The following IFT43 variants were observed in gnomAD, a reference collection of about 807,000 sequenced individuals.
IFT43 encodes intraflagellar transport protein 43 homolog.
IFT43 carries 33 observed loss-of-function variants against 32.3 expected under a neutral mutation model. The observed-to-expected ratio is 1.02, with a 90% confidence interval of 0.77 to 1.37. The LOEUF is 1.37. Among genes scored for constraint, IFT43 ranks in the 40% most tolerant of loss-of-function variants. The probability of loss-of-function intolerance (pLI) is 0.00; values close to 1 mark genes in which losing one functional copy is unlikely to be tolerated. For synonymous variants in IFT43, 93 were observed against 98.2 expected, an observed-to-expected ratio of 0.95 and a Z score of 0.31; for missense variants, 274 against 265.9, an observed-to-expected ratio of 1.03 and a Z score of -0.21.
rs527386440 is a variant in IFT43, at chr14:76,065,835, G to A, written c.295+6462G>A. Among the ~76,000 whole-genome samples, 3 of 152,208 alleles carry A rather than the reference G, an allele frequency of 2.0e-5. No individual in the cohort carries two copies. The South Asian group carries it at 6.2e-4, about 32-fold the overall frequency. ...GATGGGATCTATGTTGCCCAGGCTG[G>A]CCTCAAACTCCTGGGCTCAACCAGT... is the stretch of plus-strand genomic sequence containing the variant. On this transcript the variant is annotated intron_variant, in intron 5 of 8. Coordinates refer to ENST00000314067, the MANE Select transcript of IFT43 (RefSeq NM_001102564.3).
chr14:76,025,296 G>C (rs946689264), intron 3 of IFT43, among the ~76,000 whole-genome samples: 2 of 151,968 alleles, frequency 1.3e-5, no homozygotes, highest in African/African-American at 4.8e-5. Flanking sequence ...AACAAATGGA[G>C]GAATAGTCCA....
In IFT43 at chr14:76,083,286, G is replaced by A; in HGVS notation, c.504G>A (p.Arg168=). 3.1e-6 allele frequency: 5 copies of A among 1,613,612 alleles called. No individual in the cohort carries two copies. The South Asian group carries it at 3.3e-5, about 11-fold the overall frequency. The change falls in exon 8 of 9, where the codon CGG becomes CGA. Residue 168 remains arginine, a synonymous_variant. Transcript: ENST00000314067. ...TGCTCGCGCCGGAGCACGAAGTCCG[G>A]GAGGTACAGTGGTGGCAGCAATTCC... ...TKVLAPEHEV[R]EDDVGWDWDH...
intron 1 of IFT43, 197 bp downstream of exon 1, chr14:75,986,037 T>C: frequency 6.6e-7 from 1 of 1,522,436 alleles, no homozygotes; most frequent in Non-Finnish European, 8.8e-7. Flanking sequence ...GGGTTTGCTT[T>C]CTTTAAAATC....
intron 2 of IFT43, among the ~76,000 whole-genome samples, chr14:76,014,490 A>G (rs1029522881): frequency 3.3e-5 from 5 of 152,150 alleles, no homozygotes; most frequent in Non-Finnish European, 4.4e-5. Flanking sequence ...TCCCAAAGCC[A>G]TTTCCCGGGG....
intron 1 of IFT43, 35 bp downstream of exon 1, chr14:75,985,875 T>A: frequency 6.2e-7 from 1 of 1,611,176 alleles, no homozygotes; most frequent in Non-Finnish European, 8.5e-7. Flanking sequence ...GGGGCCAGGA[T>A]TTGGCGGGTG....
chr14:76,071,104 C>T (rs182806303), intron 5 of IFT43, among the ~76,000 whole-genome samples: 33 of 152,248 alleles, frequency 2.2e-4, no homozygotes, highest in African/African-American at 7.7e-4. Flanking sequence ...CTACCACATG[C>T]GCGTGTAGGA....
intron 3 of IFT43, among the ~76,000 whole-genome samples, chr14:76,029,763 G>T (rs2036470641): frequency 6.6e-6 from 1 of 151,934 alleles, no homozygotes; most frequent in Non-Finnish European, 1.5e-5. Context: ...CCACAGATTG[G>T]TTGGTTGAAG....
chr14:76,009,192 T>C (rs553096799), intron 2 of IFT43, among the ~76,000 whole-genome samples: 5 of 152,356 alleles, frequency 3.3e-5, no homozygotes, highest in Admixed American at 1.3e-4. Context: ...TATCATCTGC[T>C]TCATTGCAAA....
chr14:76,061,585 G>A (rs923671261), intron 5 of IFT43, among the ~76,000 whole-genome samples: 1 of 151,986 alleles, frequency 6.6e-6, no homozygotes, highest in Non-Finnish European at 1.5e-5. Flanking sequence ...CTTCTACAAT[G>A]TCTAGTCTGC....
intron 5 of IFT43, among the ~76,000 whole-genome samples, chr14:76,081,996 C>T (rs2037518426): frequency 6.6e-6 from 1 of 152,198 alleles, no homozygotes; most frequent in African/African-American, 2.4e-5. Flanking sequence ...AGATCCACTG[C>T]AGTGGCTTCT....
intron 2 of IFT43, among the ~76,000 whole-genome samples, chr14:75,998,061 A>G (rs887687060): frequency 2.0e-5 from 3 of 152,212 alleles, no homozygotes; most frequent in Non-Finnish European, 4.4e-5. Context: ...ATTGTAGTTG[A>G]TTTAAGTGCG....
intron 2 of IFT43, among the ~76,000 whole-genome samples, chr14:76,013,209 C>T (rs920725306): frequency 1.3e-5 from 2 of 152,212 alleles, no homozygotes; most frequent in African/African-American, 4.8e-5. Context: ...AGGTAGAGAA[C>T]TCAGACTCAT....
At chr14:76,029,924 C>T (rs1433241943) in intron 3 of IFT43, among the ~76,000 whole-genome samples, 1 of 99,042 alleles carries the variant, frequency 1.0e-5, no homozygotes, top group African/African-American at 4.1e-5. Context: ...CTCTGTTGCC[C>T]AGGCTGGAGT....
intron 3 of IFT43, chr14:76,022,670 C>G: frequency 3.6e-6 from 1 of 277,432 alleles, no homozygotes; most frequent in South Asian, 7.9e-5. Flanking sequence ...CCCAACCTCT[C>G]TAGATCTAGG....
At position 76,074,255 on chromosome 14, in the gene IFT43, T is replaced by C. The variant is rs79978608; in HGVS notation, c.296-8040T>C. Reference sequence around the variant, plus strand: ...ACCAGATCACTCATCTTGGGCCTTATTGAAGAGAGTGGAGAGTTCCTCAGC... The same window carrying C: ...ACCAGATCACTCATCTTGGGCCTTACTGAAGAGAGTGGAGAGTTCCTCAGC... On this transcript the variant is annotated intron_variant, in intron 5 of 8. Coordinates refer to ENST00000314067, the MANE Select transcript of IFT43 (RefSeq NM_001102564.3). 6.6e-3 allele frequency among the ~76,000 whole-genome samples: 1,003 copies of C among 152,278 alleles called. 9 individuals carry two copies. The highest frequency in any genetic ancestry group is 0.023 in the African/African-American group (946 of 41,546).
chr14:76,077,219 G>GCT (rs35348551), intron 5 of IFT43, among the ~76,000 whole-genome samples: 50,181 of 151,806 alleles, frequency 0.33, 9,714 homozygotes, highest in East Asian at 0.43. Context: ...TATGCACAGG[G>GCT]CTCTCCCAGG....
chr14:75,999,275 ATATATATTTTT>A (rs2035834434), intron 2 of IFT43, among the ~76,000 whole-genome samples: 2 of 18,398 alleles, frequency 1.1e-4, no homozygotes, highest in Admixed American at 7.4e-4. Context: ...ATATATATGT[ATATATATTTTT>A]TTTTTTTTTT....
At chr14:76,000,617 G>A (rs372962313) in intron 2 of IFT43, among the ~76,000 whole-genome samples, 1 of 152,098 alleles carries the variant, frequency 6.6e-6, no homozygotes, top group Non-Finnish European at 1.5e-5. Flanking sequence ...CCTTTACCAG[G>A]CATCTCACCA....
At chr14:76,023,955 T>G (rs1464390214) in intron 3 of IFT43, among the ~76,000 whole-genome samples, 1 of 152,218 alleles carries the variant, frequency 6.6e-6, no homozygotes, top group Non-Finnish European at 1.5e-5. Context: ...ATTCTTAGTT[T>G]CTGTTTCTGG....
Sources: gnomAD v4.1 joint callset for allele counts (sites outside exome capture counted in the v4.1 genomes callset) on GRCh38, gnomAD v4.1.1 for gene constraint, MANE v1.5 for transcripts, NCBI Gene and HGNC (gene_info 2026-07-23, HGNC 2026-07-21) for gene names.